Variants in SLC24A3 observed in about 807,000 individuals in gnomAD.
SLC24A3 encodes the protein sodium/potassium/calcium exchanger 3.
Under a neutral mutation model 75.8 loss-of-function variants are expected in SLC24A3, and 28 were observed. The observed-to-expected ratio is 0.37, with a 90% CI of 0.27 to 0.51. The LOEUF is 0.51. SLC24A3 is among the 20% of genes least tolerant of loss of function. The pLI is 0.94. For missense variants in SLC24A3, 663 were observed against 847.8 expected (o/e 0.78, Z 2.71); for synonymous variants, 372 against 334.1 (o/e 1.11, Z -1.24).
Position 19,353,704 on chromosome 20 carries a change from T to A in SLC24A3, c.271+72617T>A, listed in dbSNP as rs376989955. 4.6e-5 allele frequency among the ~76,000 whole-genome samples: 7 copies of A among 152,202 alleles called. No homozygotes were observed. In the East Asian group the frequency reaches 1.3e-3, roughly 29 times the overall value. On this transcript the variant is annotated intron_variant, in intron 2 of 16. Coordinates refer to ENST00000328041, the MANE Select transcript of SLC24A3 (RefSeq NM_020689.4). ...CATTAGCCAGACTAATAAAAATGCATGACCTGATACACTCATAAAAGGATG... is the reference window on the plus strand; with the variant it reads ...CATTAGCCAGACTAATAAAAATGCAAGACCTGATACACTCATAAAAGGATG...
chr20:19,325,261 A>AC (rs1984811139), intron 2 of SLC24A3, among the ~76,000 whole-genome samples: 2 of 150,972 alleles, frequency 1.3e-5, no homozygotes, highest in African/African-American at 4.9e-5. Context: ...TGTCTGCACT[A>AC]CAAAATAATA....
In SLC24A3 at chr20:19,667,187, T is replaced by G. The variant is rs2032408539; in HGVS notation, c.713+1298T>G. On this transcript the variant is annotated intron_variant, in intron 8 of 16. Coordinates refer to ENST00000328041, the MANE Select transcript of SLC24A3 (RefSeq NM_020689.4). Reference sequence around the variant, plus strand: ...CCATCACATTGATGATAAATGTTACTTGCTATGTCAAGGTATTAAGATACT... The same window carrying G: ...CCATCACATTGATGATAAATGTTACGTGCTATGTCAAGGTATTAAGATACT... 2.0e-5 allele frequency among the ~76,000 whole-genome samples: 3 copies of G among 152,318 alleles called. No individual in the cohort carries two copies. In the South Asian group the frequency reaches 6.2e-4, roughly 32 times the overall value.
At chr20:19,624,998 A>C (rs1847621219) in intron 6 of SLC24A3, among the ~76,000 whole-genome samples, 1 of 152,178 alleles carries the variant, frequency 6.6e-6, no homozygotes, top group South Asian at 2.1e-4. Flanking sequence ...GGGTTTGTTT[A>C]AATGTTTCAG....
intron 2 of SLC24A3, among the ~76,000 whole-genome samples, chr20:19,464,431 G>T (rs1987731382): frequency 6.6e-6 from 1 of 152,220 alleles, no homozygotes. Context: ...AGTAAGAGAG[G>T]TTGTGGATTT....
rs114229424 is a variant in SLC24A3 at position 19,643,724 on chromosome 20, G to C, written c.613-10338G>C. The stretch of plus-strand genomic sequence containing the variant: ...ACTGTCTGATTTCTGAACTCACCTG[G>C]TAGGTATTCACTTCCATTTTTGTCA... On this transcript the variant is annotated intron_variant, in intron 6 of 16. Coordinates refer to ENST00000328041, the MANE Select transcript of SLC24A3 (RefSeq NM_020689.4). 5.1e-3 allele frequency among the ~76,000 whole-genome samples: 781 copies of C among 152,256 alleles called. 5 individuals carry two copies. The highest frequency in any genetic ancestry group is 0.016 in the African/African-American group (680 of 41,536).
At chr20:19,515,676 G>A (rs2029973725) in intron 3 of SLC24A3, 112 bp downstream of exon 3, 16 of 1,040,518 alleles carry the variant, frequency 1.5e-5, no homozygotes, top group Admixed American at 4.1e-5. Context: ...CTGTTCCCAC[G>A]CTGCCTGGTG....
intron 2 of SLC24A3, among the ~76,000 whole-genome samples, chr20:19,419,440 C>G (rs1986879820): frequency 6.6e-6 from 1 of 151,864 alleles, no homozygotes; most frequent in South Asian, 2.1e-4. Context: ...ACACTGAATG[C>G]AAGGACCGGG....
intron 1 of SLC24A3, chr20:19,257,633 T>C (rs1339343774): frequency 6.6e-6 from 1 of 152,226 alleles, no homozygotes; most frequent in Admixed American, 6.5e-5. Flanking sequence ...TCCTACCTTT[T>C]TCTGGGTGCT....
chr20:19,270,539 T>C (rs1029788150), intron 1 of SLC24A3, among the ~76,000 whole-genome samples: 1 of 152,078 alleles, frequency 6.6e-6, no homozygotes, highest in Admixed American at 6.6e-5. Flanking sequence ...CATACTGATA[T>C]ATTATTGTAT....
At chr20:19,580,111 C>A (rs1568662124) in intron 4 of SLC24A3, 37 bp downstream of exon 4, 2 of 1,569,066 alleles carry the variant, frequency 1.3e-6, no homozygotes, top group South Asian at 1.1e-5. Context: ...GTGAGCCAGA[C>A]TGGGGACTGG....
At chr20:19,422,915 T>C (rs1461102958) in intron 2 of SLC24A3, among the ~76,000 whole-genome samples, 1 of 152,222 alleles carries the variant, frequency 6.6e-6, no homozygotes, top group African/African-American at 2.4e-5. Context: ...GAGTTACACA[T>C]AAGTGTAATT....
chr20:19,657,171 C>T (rs2032276117), intron 7 of SLC24A3, among the ~76,000 whole-genome samples: 1 of 152,192 alleles, frequency 6.6e-6, no homozygotes, highest in African/African-American at 2.4e-5. Flanking sequence ...GTTGTCAAGG[C>T]TAGAGTTTTG....
intron 2 of SLC24A3, among the ~76,000 whole-genome samples, chr20:19,460,278 G>A (rs1987646875): frequency 6.6e-6 from 1 of 152,104 alleles, no homozygotes; most frequent in African/African-American, 2.4e-5. Flanking sequence ...GGGATTTGAA[G>A]TCTGTTGTGC....
chr20:19,629,062 T>TA (rs1308173329), intron 6 of SLC24A3, among the ~76,000 whole-genome samples: 1 of 150,828 alleles, frequency 6.6e-6, no homozygotes, highest in African/African-American at 2.4e-5. Flanking sequence ...CCAAAAGAAA[T>TA]AAAGATTTAT....
chr20:19,327,209 A>G (rs1984882665), intron 2 of SLC24A3, among the ~76,000 whole-genome samples: 1 of 152,214 alleles, frequency 6.6e-6, no homozygotes, highest in Non-Finnish European at 1.5e-5. Context: ...GAGCTTGTCC[A>G]GCTATTGAGA....
chr20:19,399,662 C>T (rs1466802261), intron 2 of SLC24A3, among the ~76,000 whole-genome samples: 2 of 151,964 alleles, frequency 1.3e-5, no homozygotes, highest in African/African-American at 4.8e-5. Context: ...ATTTTATGGC[C>T]CAGAATATGG....
At chr20:19,456,212 T>C (rs1987575156) in intron 2 of SLC24A3, among the ~76,000 whole-genome samples, 1 of 152,210 alleles carries the variant, frequency 6.6e-6, no homozygotes, top group Admixed American at 6.5e-5. Flanking sequence ...AGAAAGACCT[T>C]TTATTCCTTC....
At chr20:19,606,893 G>A (rs993233167) in intron 6 of SLC24A3, among the ~76,000 whole-genome samples, 1 of 152,180 alleles carries the variant, frequency 6.6e-6, no homozygotes, top group Admixed American at 6.5e-5. Context: ...TCATTCCAGT[G>A]TATATGTGGA....
intron 2 of SLC24A3, among the ~76,000 whole-genome samples, chr20:19,325,795 T>TATATATATATATATAG (rs1251419875): frequency 3.0e-5 from 2 of 67,778 alleles, no homozygotes; most frequent in Non-Finnish European, 5.6e-5. Context: ...TATATATATA[T>TATATATATATATATAG]AGAGAGAGAG....
Sources: allele counts gnomAD v4.1 joint callset (sites outside exome capture counted in the v4.1 genomes callset), GRCh38; gene constraint gnomAD v4.1.1; transcripts MANE v1.5; gene names NCBI Gene and HGNC (gene_info 2026-07-23, HGNC 2026-07-21).